Variants in GPD2 observed in about 807,000 individuals in gnomAD.
GPD2 encodes glycerol-3-phosphate dehydrogenase 2.
GPD2 carries 54 observed loss-of-function variants against 82.4 expected under a neutral mutation model. The observed-to-expected ratio is 0.66, with a 90% CI of 0.53 to 0.82. The LOEUF is 0.82. GPD2 is among the 40% of genes least tolerant of loss of function. The pLI, the probability that GPD2 is intolerant of heterozygous loss-of-function variation, is 0.00. For missense variants in GPD2, 748 were observed against 896.2 expected (o/e 0.83, Z 2.11); for synonymous variants, 288 against 306.1 (o/e 0.94, Z 0.62).
chr2:156,434,019 ATTGGT>A (rs988735830), upstream of GPD2, among the ~76,000 whole-genome samples: 11 of 152,176 alleles, frequency 7.2e-5, no homozygotes, highest in African/African-American at 2.4e-4. Context: ...TGATAAAAAT[ATTGGT>A]TTGATTTGTC....
chr2:156,523,840 A>G (rs1685509555), intron 6 of GPD2, among the ~76,000 whole-genome samples: 1 of 152,288 alleles, frequency 6.6e-6, no homozygotes, highest in East Asian at 1.9e-4. Context: ...CACTATACCC[A>G]GCCAACAATA....
rs535143292 is a variant in GPD2 at position 156,583,690 on chromosome 2, G to A, written c.*772G>A. 2.0e-5 allele frequency: 3 copies of A among 152,564 alleles called. No homozygotes were observed. The highest frequency in any genetic ancestry group is 7.2e-5 in the African/African-American group (3 of 41,514). The allele number at this position is 152,564 out of a possible 1,614,324, so 9.5% of individuals were successfully genotyped here. A position where few individuals can be genotyped will look rare whatever the true frequency, so the allele number is the denominator to read the frequency against. On this transcript the variant is annotated 3_prime_UTR_variant, in exon 17 of 17. Coordinates refer to ENST00000438166, the MANE Select transcript of GPD2 (RefSeq NM_000408.5). ...TCTTCAGTCACTGCTGGTTTTCTTT[G>A]ACTATTATAGTTGCCAGGAAGATCC...
chr2:156,414,842 A>G, the GPD2 span, among the ~76,000 whole-genome samples: 1 of 152,208 alleles, frequency 6.6e-6, no homozygotes, highest in Non-Finnish European at 1.5e-5. Flanking sequence ...CTAAATAACA[A>G]TAACAGCTCT....
At chr2:156,445,332 C>T (rs184581054) in intron 1 of GPD2, among the ~76,000 whole-genome samples, 111 of 152,282 alleles carry the variant, frequency 7.3e-4, no homozygotes, top group Non-Finnish European at 1.4e-3. Flanking sequence ...ACAATAGAAT[C>T]GAGAGATAAT....
chr2:156,540,975 A>G (rs866616061), intron 6 of GPD2, among the ~76,000 whole-genome samples: 2 of 152,240 alleles, frequency 1.3e-5, no homozygotes, highest in African/African-American at 4.8e-5. Flanking sequence ...TATTTTAGGC[A>G]ATAACCACAT....
At chr2:156,575,850 C>T (rs1687801053) in intron 13 of GPD2, among the ~76,000 whole-genome samples, 1 of 152,142 alleles carries the variant, frequency 6.6e-6, no homozygotes, top group East Asian at 1.9e-4. Flanking sequence ...CAGAAGAGGT[C>T]TCTGGTAGTA....
chr2:156,488,978 T>C (rs796805550), intron 2 of GPD2, among the ~76,000 whole-genome samples: 1 of 152,314 alleles, frequency 6.6e-6, no homozygotes, highest in South Asian at 2.1e-4. Context: ...GTGGTTGGAA[T>C]TATGCTAGGA....
chr2:156,520,678 G>C (rs905518831), intron 6 of GPD2, among the ~76,000 whole-genome samples: 1 of 151,702 alleles, frequency 6.6e-6, no homozygotes, highest in Non-Finnish European at 1.5e-5. Flanking sequence ...TCCACCTCCC[G>C]GGCTCAAGCC....
rs534845246 is a variant in GPD2, at chr2:156,505,309, C to G, written c.275-5487C>G. ...TAGATTTCAAGTTGACTTTATTCTT[C>G]TACTCTAACTAATCTTGTTATTCTG... On this transcript the variant is annotated intron_variant, in intron 3 of 16. Coordinates refer to ENST00000438166, the MANE Select transcript of GPD2 (RefSeq NM_000408.5). Among the ~76,000 whole-genome samples the G allele has an allele frequency of 4.6e-5, 7 of 152,186 alleles. No homozygotes were observed. The South Asian group carries it at 1.5e-3, about 32-fold the overall frequency.
rs1394838524 is a variant in GPD2 at position 156,584,658 on chromosome 2, A to C, written c.*1740A>C. On this transcript the variant is annotated 3_prime_UTR_variant, in exon 17 of 17. Transcript: ENST00000438166. ...AGTGATGCTCCCAGGTATCACTGTG[A>C]ACTTTTTTCTTTCAAAGTGTGAATT... 2 of 152,542 alleles carry C rather than the reference A, an allele frequency of 1.3e-5. No individual in the cohort carries two copies. Among genetic ancestry groups the C allele is most frequent in the Non-Finnish European group, 2.9e-5 (2 of 67,982 alleles). 9.4% of individuals were successfully genotyped at this position (152,542 alleles called of 1,614,324 possible).
rs1474107591 is a variant in GPD2, at chr2:156,570,112, A to G, written c.1502A>G (p.Tyr501Cys). 4 of 1,611,582 alleles carry G rather than the reference A, an allele frequency of 2.5e-6. No individual in the cohort carries two copies. The highest frequency in any genetic ancestry group is 3.4e-6 in the Non-Finnish European group (4 of 1,179,062). The change falls in exon 12 of 17, where the codon TAT (tyrosine) becomes TGT (cysteine). Residue 501 changes from tyrosine (Y) to cysteine (C), a missense_variant. Tyr to Cys is a radical substitution (Grantham distance 194). This residue lies in a region of GPD2 where 692 missense variants were observed against 809.7 expected (regional missense o/e 0.85). Coordinates refer to ENST00000438166, the MANE Select transcript of GPD2 (RefSeq NM_000408.5). ...GTGGCACAGCATCTTGCCGCCACCT[A>G]TGGTGATAAGGCCTTTGAGGTGGCC... ...SEVAQHLAAT[Y>C]GDKAFEVAKM...
upstream of GPD2, among the ~76,000 whole-genome samples, chr2:156,433,604 G>A (rs908628437): frequency 6.6e-6 from 1 of 152,120 alleles, no homozygotes; most frequent in African/African-American, 2.4e-5. Context: ...CTGGTCTCCC[G>A]CACAGCTGGC....
At chr2:156,455,346 T>C (rs1682754924) in intron 1 of GPD2, among the ~76,000 whole-genome samples, 1 of 152,210 alleles carries the variant, frequency 6.6e-6, no homozygotes, top group Admixed American at 6.5e-5. Flanking sequence ...TGAAGATGAA[T>C]GTAACATATA....
intron 6 of GPD2, among the ~76,000 whole-genome samples, chr2:156,546,809 A>T (rs1364384356): frequency 6.6e-6 from 1 of 152,190 alleles, no homozygotes; most frequent in Non-Finnish European, 1.5e-5. Flanking sequence ...TTCAGATTTT[A>T]CACATTTATG....
At chr2:156,507,772 A>C (rs1412057717) in intron 3 of GPD2, among the ~76,000 whole-genome samples, 1 of 152,156 alleles carries the variant, frequency 6.6e-6, no homozygotes, top group Non-Finnish European at 1.5e-5. Flanking sequence ...CAAATACCTG[A>C]ATGTGTAAGA....
At chr2:156,434,075 A>G (rs1401452775), upstream of GPD2, among the ~76,000 whole-genome samples, 1 of 152,172 alleles carries the variant, frequency 6.6e-6, no homozygotes, top group Non-Finnish European at 1.5e-5. Context: ...TAATATAACC[A>G]GTCTCATGAT....
At chr2:156,543,855 C>T (rs148907931) in intron 6 of GPD2, among the ~76,000 whole-genome samples, 1 of 152,292 alleles carries the variant, frequency 6.6e-6, no homozygotes, top group East Asian at 1.9e-4. Context: ...GTACCCTATG[C>T]ACTAAGTAGC....
chr2:156,493,387 A>G (rs1461234282), intron 2 of GPD2, among the ~76,000 whole-genome samples: 1 of 152,144 alleles, frequency 6.6e-6, no homozygotes, highest in African/African-American at 2.4e-5. Flanking sequence ...CAAGATTTAC[A>G]GGTCTATCGG....
At chr2:156,408,863 A>C in the GPD2 span, among the ~76,000 whole-genome samples, 6 of 152,244 alleles carry the variant, frequency 3.9e-5, no homozygotes, top group Non-Finnish European at 7.4e-5. Context: ...TGAAGTAAAA[A>C]ATTTGCATGT....
Sources: allele counts gnomAD v4.1 joint callset (sites outside exome capture counted in the v4.1 genomes callset), GRCh38; gene constraint gnomAD v4.1.1; regional missense constraint gnomAD v4.1.1; transcripts MANE v1.5; gene names NCBI Gene and HGNC (gene_info 2026-07-23, HGNC 2026-07-21).